HINFP: variants seen among roughly 807,000 people sequenced by gnomAD.
The protein encoded by HINFP is histone H4 transcription factor.
In HINFP, 20 loss-of-function variants were observed where a neutral mutation model predicts 50.1. The observed-to-expected ratio is 0.40, with a 90% CI of 0.28 to 0.58. The LOEUF (loss-of-function observed/expected upper bound fraction) is 0.58. Among genes scored for constraint, HINFP ranks in the 20% least tolerant of loss-of-function variants. The pLI, the probability that HINFP is intolerant of heterozygous loss-of-function variation, is 0.45. For synonymous variants in HINFP, 247 were observed against 243.7 expected, an observed-to-expected ratio of 1.01 and a Z score of -0.13; for missense variants, 505 against 664.1, an observed-to-expected ratio of 0.76 and a Z score of 2.63.
At position 119,132,491 on chromosome 11, in the gene HINFP, C is replaced by G. The variant is rs772668341; in HGVS notation, c.677-5C>G. On this transcript the variant is annotated splice_polypyrimidine_tract_variant and splice_region_variant and intron_variant, in intron 5 of 9. Transcript: ENST00000350777. The stretch of plus-strand genomic sequence containing the variant: ...CCCTCCTTTCTTCTGCCTGCCCCAC[C>G]CCAGAGCAGCACTTCCAGTGTTCTC... 1 of 1,614,092 alleles carries G rather than the reference C, an allele frequency of 6.2e-7. No individual in the cohort carries two copies. The highest frequency in any genetic ancestry group is 8.5e-7 in the Non-Finnish European group (1 of 1,180,034).
At chr11:119,122,116 T>G (rs1947098738) in intron 1 of HINFP, 1 of 152,280 alleles carries the variant, frequency 6.6e-6, no homozygotes, top group Non-Finnish European at 1.5e-5. Flanking sequence ...ATACCACAGT[T>G]CATTCATTGT....
rs986303942 is a variant in HINFP at position 119,128,312 on chromosome 11, A to T, written c.181+1187A>T. On this transcript the variant is annotated intron_variant, in intron 2 of 9. Coordinates refer to ENST00000350777, the MANE Select transcript of HINFP (RefSeq NM_198971.3). ...TGTGTTAAGTATTGCTGGGTACTTTATTTTTTTTTTGAGATGGAGTCTCAT... is the reference window on the plus strand; with the variant it reads ...TGTGTTAAGTATTGCTGGGTACTTTTTTTTTTTTTTGAGATGGAGTCTCAT... Among the ~76,000 whole-genome samples, 4 of 148,180 alleles carry T rather than the reference A, an allele frequency of 2.7e-5. No homozygotes were observed. In the South Asian group the frequency reaches 8.6e-4, roughly 32 times the overall value.
At chr11:119,123,706 GTTTTTTTTTTTTTT>G (rs71470956) in intron 1 of HINFP, 1 of 74,162 alleles carries the variant, frequency 1.3e-5, no homozygotes, top group Non-Finnish European at 2.6e-5. Context: ...CACATCGGCT[GTTTTTTTTTTTTTT>G]TTTTTTTTTT....
At position 119,132,906 on chromosome 11, in the gene HINFP, C is replaced by T. The variant is rs1191909651; in HGVS notation, c.918C>T (p.His306=). The stretch of plus-strand genomic sequence containing the variant: ...ACCTCCAGAAGCACCTGGATACCCA[C>T]AGCGAGGAGCCAGCCTACAGGTGTG... ...LIDLQKHLDT[H]SEEPAYRCDF... The change falls in exon 8 of 10, where the codon CAC becomes CAT. Residue 306 remains histidine, a synonymous_variant. Coordinates refer to ENST00000350777, the MANE Select transcript of HINFP (RefSeq NM_198971.3). 3 of 1,614,240 alleles carry T rather than the reference C, an allele frequency of 1.9e-6. No individual in the cohort carries two copies. Among genetic ancestry groups the T allele is most frequent in the South Asian group, 2.2e-5 (2 of 91,088 alleles).
chr11:119,131,814 A>C lies in HINFP; in HGVS notation c.524-16A>C. 1 of 1,613,464 alleles carries C rather than the reference A, an allele frequency of 6.2e-7. No individual in the cohort carries two copies. Among genetic ancestry groups the C allele is most frequent in the Non-Finnish European group, 8.5e-7 (1 of 1,179,866 alleles). ...TGGGGTTTTGTGGCAGGAGACTGAT[A>C]GGGCTTCCTTCCCAGGCTGTACCTG... On this transcript the variant is annotated splice_polypyrimidine_tract_variant and intron_variant, in intron 4 of 9. Coordinates refer to ENST00000350777, the MANE Select transcript of HINFP (RefSeq NM_198971.3). The surrounding 1 kb of genome is among the most constrained non-coding windows in gnomAD (Gnocchi z 4.2).
chr11:119,132,526 A>G lies in HINFP; in HGVS notation c.707A>G (p.Lys236Arg). The G allele has an allele frequency of 1.2e-6, 2 of 1,614,018 alleles. No individual in the cohort carries two copies. Among genetic ancestry groups the G allele is most frequent in the Non-Finnish European group, 1.7e-6 (2 of 1,179,990 alleles). ...QQHFQCSHCS[K>R]RFATERLLRD... The stretch of plus-strand genomic sequence containing the variant: ...CACTTCCAGTGTTCTCACTGTTCCA[A>G]GAGATTTGCCACAGAGCGGCTATTG... The change falls in exon 6 of 10, where the codon AAG becomes AGG. Residue 236 changes from lysine (K) to arginine (R), a missense_variant. Transcript: ENST00000350777.
chr11:119,128,175 G>A lies in HINFP; in HGVS notation c.181+1050G>A, dbSNP rs553480824. Among the ~76,000 whole-genome samples the A allele has an allele frequency of 3.3e-5, 5 of 151,578 alleles. No individual in the cohort carries two copies. In the East Asian group the frequency reaches 9.7e-4, roughly 30 times the overall value. On this transcript the variant is annotated intron_variant, in intron 2 of 9. Transcript: ENST00000350777. ...CCCCATCTCTCACTTTTTAACCTTTGTCTGACTTATGTTTTAGGTATGCCT... is the reference window on the plus strand; with the variant it reads ...CCCCATCTCTCACTTTTTAACCTTTATCTGACTTATGTTTTAGGTATGCCT...
chr11:119,131,478 TA>T lies in HINFP; in HGVS notation c.412-56del, dbSNP rs1744724908. 1 of 1,168,054 alleles carries T rather than the reference TA, an allele frequency of 8.6e-7. No individual in the cohort carries two copies. Among genetic ancestry groups the T allele is most frequent in the Non-Finnish European group, 1.3e-6 (1 of 772,636 alleles). 72.4% of individuals were successfully genotyped at this position (1,168,054 alleles called of 1,614,324 possible). A position where few individuals can be genotyped will look rare whatever the true frequency, so the allele number is the denominator to read the frequency against. ...GAGAGCCAAGAATTCTTCGGGCACA[TA>T]GGGGTGAGTCCCTCTACCCACCCTC... is the stretch of plus-strand genomic sequence containing the variant. On this transcript the variant is annotated intron_variant, in intron 3 of 9. Coordinates refer to ENST00000350777, the MANE Select transcript of HINFP (RefSeq NM_198971.3). This position sits in a 1 kb window ranked among gnomAD's most constrained non-coding sequence, Gnocchi z 4.2.
In HINFP at chr11:119,135,535, T is replaced by G. The variant is rs926447129; in HGVS notation, c.*1037T>G. ...TGCATTTTCCTGGGGAAAGGATCTG[T>G]TTTTTGCTAGATTATCAAAGAGATT... is the stretch of plus-strand genomic sequence containing the variant. On this transcript the variant is annotated 3_prime_UTR_variant, in exon 10 of 10. Transcript: ENST00000350777. 1 of 152,110 alleles carries G rather than the reference T, an allele frequency of 6.6e-6. No homozygotes were observed. Among genetic ancestry groups the G allele is most frequent in the Non-Finnish European group, 1.5e-5 (1 of 68,018 alleles). 9.4% of individuals were successfully genotyped at this position (152,110 alleles called of 1,614,324 possible).
chr11:119,125,107 C>T (rs567403378), intron 1 of HINFP: 4 of 135,630 alleles, frequency 2.9e-5, no homozygotes, highest in East Asian at 2.4e-4. Context: ...GGCACGATCT[C>T]GGCTCATTGC....
In HINFP at chr11:119,134,527, C is replaced by T. The variant is rs1947970556; in HGVS notation, c.*29C>T. ...CCGCAGAGCCAGACCATTTCTTCCC[C>T]AGGTCCTGAAGTTTGAGCCAGGCAA... On this transcript the variant is annotated 3_prime_UTR_variant, in exon 10 of 10. Coordinates refer to ENST00000350777, the MANE Select transcript of HINFP (RefSeq NM_198971.3). This position sits in a 1 kb window ranked among gnomAD's most constrained non-coding sequence, Gnocchi z 4.3. 2.0e-6 allele frequency: 3 copies of T among 1,530,680 alleles called. No homozygotes were observed. Among genetic ancestry groups the T allele is most frequent in the South Asian group, 1.2e-5 (1 of 80,782 alleles). The allele number at this position is 1,530,680 out of a possible 1,614,324, so 94.8% of individuals were successfully genotyped here. A position where few individuals can be genotyped will look rare whatever the true frequency, so the allele number is the denominator to read the frequency against.
rs773185390 is a variant in HINFP at position 119,134,550 on chromosome 11, C to T, written c.*52C>T. The stretch of plus-strand genomic sequence containing the variant: ...CCCAGGTCCTGAAGTTTGAGCCAGG[C>T]AAGTGGCAGTGCCCCTAGTGGGCAG... On this transcript the variant is annotated 3_prime_UTR_variant, in exon 10 of 10. Coordinates refer to ENST00000350777, the MANE Select transcript of HINFP (RefSeq NM_198971.3). This position sits in a 1 kb window ranked among gnomAD's most constrained non-coding sequence, Gnocchi z 4.3. 8 of 1,437,766 alleles carry T rather than the reference C, an allele frequency of 5.6e-6. No homozygotes were observed. The African/African-American group carries it at 7.1e-5, about 13-fold the overall frequency. 89.1% of individuals were successfully genotyped at this position (1,437,766 alleles called of 1,614,324 possible).
chr11:119,133,908 TC>T (rs1325163395), intron 9 of HINFP, 175 bp from the exon 10 acceptor site: 17 of 755,876 alleles, frequency 2.2e-5, no homozygotes, highest in Non-Finnish European at 3.4e-5. Context: ...TAATGATCTT[TC>T]CCTCTTGCCT....
rs1193681208 is a variant in HINFP, at chr11:119,134,041, C to A, written c.1140-43C>A. On this transcript the variant is annotated intron_variant, in intron 9 of 9. Coordinates refer to ENST00000350777, the MANE Select transcript of HINFP (RefSeq NM_198971.3). This position sits in a 1 kb window ranked among gnomAD's most constrained non-coding sequence, Gnocchi z 4.3. ...TGCCAGCCTCGGCCATTTCTGTATC[C>A]CCCTGCCTGGGTTTGCTGCCCTTTA... The A allele has an allele frequency of 6.2e-7, 1 of 1,613,166 alleles. No homozygotes were observed. Among genetic ancestry groups the A allele is most frequent in the Non-Finnish European group, 8.5e-7 (1 of 1,179,230 alleles).
rs1431780537 is a variant in HINFP, at chr11:119,131,396, C to G, written c.412-139C>G. On this transcript the variant is annotated intron_variant, in intron 3 of 9. Coordinates refer to ENST00000350777, the MANE Select transcript of HINFP (RefSeq NM_198971.3). This position sits in a 1 kb window ranked among gnomAD's most constrained non-coding sequence, Gnocchi z 4.2. ...TAGCAACCGCACCCGGCCACTCCTC[C>G]ATTTCTGTGCAGTGCCTTTCCTCAA... is the stretch of plus-strand genomic sequence containing the variant. 4.4e-6 allele frequency: 3 copies of G among 682,834 alleles called. No homozygotes were observed. Among genetic ancestry groups the G allele is most frequent in the Non-Finnish European group, 8.0e-6 (3 of 375,296 alleles). 42.3% of individuals were successfully genotyped at this position (682,834 alleles called of 1,614,324 possible). A position where few individuals can be genotyped will look rare whatever the true frequency, so the allele number is the denominator to read the frequency against.
Position 119,131,621 on chromosome 11 carries a change from C to G in HINFP, c.498C>G (p.Asn166Lys), listed in dbSNP as rs746251423. The G allele has an allele frequency of 1.2e-6, 2 of 1,614,052 alleles. No individual in the cohort carries two copies. Among genetic ancestry groups the G allele is most frequent in the East Asian group, 4.5e-5 (2 of 44,880 alleles). ...CCEYEAVGKD[N>K]PVVLCGWKGC... ...AATACGAAGCAGTCGGCAAGGACAA[C>G]CCGGTGGTGCTGTGTGGCTGGAAAG... Residue 166 changes from asparagine to lysine, a missense_variant, in exon 4 of 10, where the codon AAC becomes AAG. Asn to Lys is a moderately conservative substitution (Grantham distance 94). Transcript: ENST00000350777. The surrounding 1 kb of genome is among the most constrained non-coding windows in gnomAD (Gnocchi z 4.2).
At chr11:119,133,247 T>G (rs1452293020) in intron 9 of HINFP, 28 bp downstream of exon 9, 4 of 1,612,276 alleles carry the variant, frequency 2.5e-6, no homozygotes, top group Non-Finnish European at 3.4e-6. Context: ...CCTTCCCAGA[T>G]TAACACACTT....
At chr11:119,128,847 T>C (rs939832697) in intron 2 of HINFP, among the ~76,000 whole-genome samples, 1 of 151,632 alleles carries the variant, frequency 6.6e-6, no homozygotes, top group African/African-American at 2.4e-5. Context: ...TACAGGCACA[T>C]GCCACTATGC....
rs1462356427 is a variant in HINFP at position 119,131,338 on chromosome 11, C to T, written c.412-197C>T. On this transcript the variant is annotated intron_variant, in intron 3 of 9. Coordinates refer to ENST00000350777, the MANE Select transcript of HINFP (RefSeq NM_198971.3). The surrounding 1 kb of genome is among the most constrained non-coding windows in gnomAD (Gnocchi z 4.2). Reference sequence around the variant, plus strand: ...TCTTGGCCTCAAGTGATTCTCCTGCCTCAGCCTCTCAAAGTGCTGGGATTA... The same window carrying T: ...TCTTGGCCTCAAGTGATTCTCCTGCTTCAGCCTCTCAAAGTGCTGGGATTA... The T allele has an allele frequency of 6.6e-6, 4 of 604,794 alleles. No homozygotes were observed. Among genetic ancestry groups the T allele is most frequent in the Non-Finnish European group, 1.2e-5 (4 of 333,236 alleles). The allele number at this position is 604,794 out of a possible 1,614,324, so 37.5% of individuals were successfully genotyped here.
Sources: allele counts gnomAD v4.1 joint callset (sites outside exome capture counted in the v4.1 genomes callset), GRCh38; gene constraint gnomAD v4.1.1; non-coding constraint Gnocchi (gnomAD v3.1); transcripts MANE v1.5; gene names NCBI Gene and HGNC (gene_info 2026-07-23, HGNC 2026-07-21).